HOXD3: variants seen among roughly 807,000 people sequenced by gnomAD.
HOXD3 encodes homeobox D3, also known as homeobox protein Hox-D3.
A neutral mutation model predicts 32.8 loss-of-function variants in HOXD3; 13 were observed. The observed-to-expected ratio is 0.40, with a 90% confidence interval of 0.26 to 0.63. HOXD3 has a LOEUF of 0.63. Ranked by LOEUF, HOXD3 falls within the 20% of genes least tolerant of loss-of-function variation. The pLI is 0.44. For synonymous variants in HOXD3, 241 were observed against 246.8 expected (o/e 0.98, Z 0.22); for missense variants, 504 against 577.1 (o/e 0.87, Z 1.30).
chr2:176,155,594 G>A (rs1690626512), upstream of HOXD3, among the ~76,000 whole-genome samples: 1 of 152,186 alleles, frequency 6.6e-6, no homozygotes, highest in Non-Finnish European at 1.5e-5. Flanking sequence ...CATCCATTTG[G>A]GCCCACAGGA....
At chr2:176,166,121 C>T (rs1690963941) in intron 2 of HOXD3, among the ~76,000 whole-genome samples, 1 of 152,104 alleles carries the variant, frequency 6.6e-6, no homozygotes. Flanking sequence ...AGTGGATTGT[C>T]ATTGAGTGGG....
intron 2 of HOXD3, among the ~76,000 whole-genome samples, chr2:176,168,559 T>C (rs2105449425): frequency 1.2e-5 from 1 of 81,150 alleles, no homozygotes; most frequent in East Asian, 2.6e-4. Context: ...AGGAGCAAAA[T>C]TCCATCTAAA....
upstream of HOXD3, chr2:176,153,182 C>T (rs1690581383): frequency 1.8e-6 from 1 of 553,468 alleles, no homozygotes; most frequent in Non-Finnish European, 3.2e-6. Context: ...GCAGGAGCTA[C>T]TGAGAACATA....
Position 176,171,949 on chromosome 2 carries a change from A to G in HOXD3, c.974A>G (p.Gln325Arg). ...YTAPLSSCLP[Q>R]QKRYAAPEFE... is the part of the protein sequence containing the mutation. ...GCGCCACTCAGCAGCTGCCTGCCAC[A>G]ACAGAAGCGCTACGCAGCGCCGGAG... is the stretch of plus-strand genomic sequence containing the variant. The change falls in exon 4 of 4, where the codon CAA becomes CGA. Residue 325 changes from glutamine (Q) to arginine (R), a missense_variant. Physicochemically the swap from Gln to Arg is conservative, Grantham distance 43. This residue lies in a region of HOXD3 where 226 missense variants were observed against 246.9 expected (regional missense o/e 0.92). Transcript: ENST00000683222. The G allele has an allele frequency of 6.2e-7, 1 of 1,611,050 alleles. No individual in the cohort carries two copies. The highest frequency in any genetic ancestry group is 2.2e-5 in the East Asian group (1 of 44,848).
intron 3 of HOXD3, 77 bp from the exon 4 acceptor site, chr2:176,171,440 C>T: frequency 1.5e-6 from 2 of 1,321,538 alleles, no homozygotes; most frequent in Non-Finnish European, 2.0e-6. Context: ...AAAAGAGAAC[C>T]AGGGAAGCAC....
chr2:176,161,991 A>G (rs927932286), intron 1 of HOXD3, among the ~76,000 whole-genome samples: 4 of 152,208 alleles, frequency 2.6e-5, no homozygotes, highest in Non-Finnish European at 1.5e-5. Context: ...GAGTGGTTCC[A>G]TGCTCGTGGT....
upstream of HOXD3, chr2:176,152,722 G>C: frequency 3.1e-6 from 5 of 1,614,176 alleles, no homozygotes; most frequent in Non-Finnish European, 4.2e-6. This position sits in a 1 kb window ranked among gnomAD's most constrained non-coding sequence, Gnocchi z 5.2. Flanking sequence ...ACAAGGCGCC[G>C]TCGGATTGAA....
chr2:176,169,362 G>A lies in HOXD3; in HGVS notation c.248G>A (p.Gly83Glu), dbSNP rs1370013584. ...CCTCTGAGAGCCCCAGCCCACAAAGGAGCTGAACTCAATGGCAGCTGCATG... is the reference window on the plus strand; with the variant it reads ...CCTCTGAGAGCCCCAGCCCACAAAGAAGCTGAACTCAATGGCAGCTGCATG... ...SAPLRAPAHK[G>E]AELNGSCMRP... Residue 83 changes from glycine (G) to glutamate (E), a missense_variant, in exon 3 of 4, where the codon GGA becomes GAA. Physicochemically the swap from Gly to Glu is moderately conservative, Grantham distance 98. Transcript: ENST00000683222. 1.9e-6 allele frequency: 3 copies of A among 1,614,002 alleles called. No individual in the cohort carries two copies. The highest frequency in any genetic ancestry group is 4.5e-5 in the East Asian group (2 of 44,852).
chr2:176,153,498 G>C (rs373843453), upstream of HOXD3, among the ~76,000 whole-genome samples: 11 of 152,272 alleles, frequency 7.2e-5, no homozygotes, highest in African/African-American at 2.6e-4. Flanking sequence ...CCAAAGAAAT[G>C]GGTCTAAGAA....
rs774465493 is a variant in HOXD3, at chr2:176,169,182, A to G, written c.68A>G (p.Tyr23Cys). 14 of 1,614,022 alleles carry G rather than the reference A, an allele frequency of 8.7e-6. No individual in the cohort carries two copies. In the African/African-American group the frequency reaches 1.6e-4, roughly 18 times the overall value. ...PECTMQKAAY[Y>C]ENPGLFGGYG... is the part of the protein sequence containing the mutation. ...TGCACAATGCAGAAGGCTGCTTACT[A>G]TGAAAACCCAGGACTGTTTGGAGGC... The change falls in exon 3 of 4, where the codon TAT becomes TGT. Residue 23 changes from tyrosine (Y) to cysteine (C), a missense_variant. Physicochemically the swap from Tyr to Cys is radical, Grantham distance 194 (BLOSUM62 -2). Around this residue, in one of 3 missense-constraint regions of HOXD3, gnomAD observed 181 missense variants for 172.2 expected, o/e 1.05. Coordinates refer to ENST00000683222, the MANE Select transcript of HOXD3 (RefSeq NM_006898.5).
intron 2 of HOXD3, 74 bp downstream of exon 2, chr2:176,164,242 C>A (rs1690893668): frequency 6.6e-6 from 1 of 152,198 alleles, no homozygotes; most frequent in Non-Finnish European, 1.5e-5. Context: ...TCTCAAAATT[C>A]ATACATCAAG....
chr2:176,162,889 G>T (rs1456680201), intron 1 of HOXD3, among the ~76,000 whole-genome samples: 1 of 152,164 alleles, frequency 6.6e-6, no homozygotes, highest in East Asian at 1.9e-4. Context: ...AAATAATCAA[G>T]CGGCGAAAGT....
chr2:176,171,404 G>T, intron 3 of HOXD3, 113 bp from the exon 4 acceptor site: 1 of 999,816 alleles, frequency 1.0e-6, no homozygotes, highest in Non-Finnish European at 1.4e-6. Flanking sequence ...CCCCAGCCAG[G>T]ATTGGAGGTG....
chr2:176,166,587 T>C lies in HOXD3; in HGVS notation c.-85+2419T>C, dbSNP rs1252926051. On this transcript the variant is annotated intron_variant, in intron 2 of 3. Coordinates refer to ENST00000683222, the MANE Select transcript of HOXD3 (RefSeq NM_006898.5). ...ACAGAATGAAGACTTAGCTGTCCAT[T>C]TGATATCCAGTAACTTTTAACAGAG... 2.0e-5 allele frequency among the ~76,000 whole-genome samples: 3 copies of C among 152,242 alleles called. No individual in the cohort carries two copies. The East Asian group carries it at 5.8e-4, about 29-fold the overall frequency.
At chr2:176,163,685 G>A (rs1039454379) in intron 1 of HOXD3, among the ~76,000 whole-genome samples, 1 of 152,066 alleles carries the variant, frequency 6.6e-6, no homozygotes, top group African/African-American at 2.4e-5. Context: ...CCTTAATTCT[G>A]CACGGTCTCT....
chr2:176,159,844 GT>G (rs2105432945), intron 1 of HOXD3, among the ~76,000 whole-genome samples: 1 of 152,362 alleles, frequency 6.6e-6, no homozygotes, highest in South Asian at 2.1e-4. Context: ...TGCTGGGCCT[GT>G]GGGATCTGCG....
At chr2:176,155,783 TAAAAAC>T (rs1192706158), upstream of HOXD3, among the ~76,000 whole-genome samples, 1 of 152,200 alleles carries the variant, frequency 6.6e-6, no homozygotes, top group African/African-American at 2.4e-5. Flanking sequence ...GTTGGTGTTT[TAAAAAC>T]AAAAACAAAA....
intron 1 of HOXD3, among the ~76,000 whole-genome samples, chr2:176,160,670 G>C (rs1486707346): frequency 6.6e-6 from 1 of 152,218 alleles, no homozygotes; most frequent in African/African-American, 2.4e-5. Flanking sequence ...GGTTTCCGGG[G>C]CTCTCTCCAA....
At chr2:176,158,753 G>T (rs1424663915) in intron 1 of HOXD3, among the ~76,000 whole-genome samples, 1 of 152,148 alleles carries the variant, frequency 6.6e-6, no homozygotes, top group Non-Finnish European at 1.5e-5. Flanking sequence ...TGACTCGGGC[G>T]CAGATTCCAG....
Sources: gnomAD v4.1 joint callset for allele counts (sites outside exome capture counted in the v4.1 genomes callset) on GRCh38, gnomAD v4.1.1 for gene constraint, gnomAD v4.1.1 regional missense constraint, Gnocchi (gnomAD v3.1) non-coding constraint, MANE v1.5 for transcripts, NCBI Gene and HGNC (gene_info 2026-07-23, HGNC 2026-07-21) for gene names.